The following FANCD2OS variants were observed in gnomAD, a reference collection of about 807,000 sequenced individuals.
The protein encoded by FANCD2OS is FANCD2 opposite strand, also known as FANCD2 opposite strand protein.
FANCD2OS carries 11 observed loss-of-function variants against 13.2 expected under a neutral mutation model. The observed-to-expected ratio is 0.83, with a 90% CI of 0.52 to 1.38. The LOEUF (loss-of-function observed/expected upper bound fraction) is 1.38, where lower values mean the gene tolerates loss of function less well. Ranked by LOEUF, FANCD2OS falls within the 40% of genes most tolerant of loss-of-function variation. FANCD2OS has a pLI of 0.00. For synonymous variants in FANCD2OS, 69 were observed against 84.5 expected (o/e 0.82, Z 1.01); for missense variants, 217 against 213.9 (o/e 1.01, Z -0.09).
rs746810904 is a variant in FANCD2OS at position 10,104,395 on chromosome 3, C to CA, written c.379dup (p.Cys127LeufsTer5). 121 of 1,614,078 alleles carry CA rather than the reference C, an allele frequency of 7.5e-5. No individual in the cohort carries two copies. The East Asian group carries it at 2.2e-3, about 30-fold the overall frequency. On this transcript the variant is annotated frameshift_variant, in exon 2 of 2. Transcript: ENST00000450660. LOFTEE classifies it high-confidence loss of function. ...CTGGTGCTCCCTGCTAATGATTTTG[C>CA]AAAAGGCTGACTTGTCTGAAACTCT...
At chr3:10,096,567 C>G in intron 2 of FANCD2OS, 1 of 1,118,640 alleles carries the variant, frequency 8.9e-7, no homozygotes, top group South Asian at 1.3e-5. Flanking sequence ...GCCCTCGTCT[C>G]TCAGTAAGGC....
intron 1 of FANCD2OS, among the ~76,000 whole-genome samples, chr3:10,106,045 A>G (rs1695488901): frequency 6.6e-6 from 1 of 151,794 alleles, no homozygotes; most frequent in Non-Finnish European, 1.5e-5. Flanking sequence ...TACTGAGATC[A>G]TCTCCTGGCC....
At chr3:10,084,471 T>C (rs570138689) in intron 2 of FANCD2OS, among the ~76,000 whole-genome samples, 12 of 151,986 alleles carry the variant, frequency 7.9e-5, no homozygotes, top group African/African-American at 2.9e-4. Context: ...TCCTTTTTTT[T>C]TTCTTTGGTA....
rs1196985122 is a variant in FANCD2OS, at chr3:10,090,325, G to A, written c.*44-8794C>T. Reference sequence around the variant, plus strand: ...TTGTTGTTTTCTTCCGTGTGATGATGGCTGAACTAGAGAAGACGGTGAAAA... The same window carrying A: ...TTGTTGTTTTCTTCCGTGTGATGATAGCTGAACTAGAGAAGACGGTGAAAA... On this transcript the variant is annotated intron_variant, in intron 2 of 2. Coordinates refer to the FANCD2OS transcript ENST00000524279. 6 of 1,613,354 alleles carry A rather than the reference G, an allele frequency of 3.7e-6. No individual in the cohort carries two copies. Among genetic ancestry groups the A allele is most frequent in the Non-Finnish European group, 5.1e-6 (6 of 1,179,762 alleles).
At chr3:10,084,265 T>C (rs900009646) in intron 2 of FANCD2OS, among the ~76,000 whole-genome samples, 6 of 150,392 alleles carry the variant, frequency 4.0e-5, no homozygotes, top group Admixed American at 2.6e-4. Context: ...GTGCTGGGAT[T>C]ACAGGTGTGA....
At position 10,106,512 on chromosome 3, in the gene FANCD2OS, C is replaced by CA. The variant is rs1695498583; in HGVS notation, c.-9+1502dup. 3.9e-5 allele frequency among the ~76,000 whole-genome samples: 6 copies of CA among 152,232 alleles called. No individual in the cohort carries two copies. In the South Asian group the frequency reaches 1.2e-3, roughly 32 times the overall value. ...TGTATTTCTCTGCCCCTTCTTCTCC[C>CA]ACAGAAGATAGCAGCAGATCTCATC... On this transcript the variant is annotated intron_variant, in intron 1 of 1. Transcript: ENST00000450660.
intron 2 of FANCD2OS, chr3:10,096,411 T>G: frequency 6.2e-7 from 1 of 1,614,160 alleles, no homozygotes; most frequent in Non-Finnish European, 8.5e-7. Context: ...AAAGCTATGC[T>G]CACTCTCAAC....
In FANCD2OS at chr3:10,083,887, CA is replaced by C. The variant is rs1301118343; in HGVS notation, c.*44-2357del. Among the ~76,000 whole-genome samples, 388 of 43,840 alleles carry C rather than the reference CA, an allele frequency of 8.9e-3. 2 individuals carry two copies. Among genetic ancestry groups the C allele is most frequent in the Admixed American group, 0.018 (77 of 4,196 alleles). 28.8% of individuals were successfully genotyped at this position (43,840 alleles called of 152,430 possible). A position where few individuals can be genotyped will look rare whatever the true frequency, so the allele number is the denominator to read the frequency against. ...TGGGCGACAGAGCAAGACTCCGTCT[CA>C]AAAAAAAAAAAAAAAAAAAGGTATG... On this transcript the variant is annotated intron_variant, in intron 2 of 2. Coordinates refer to the FANCD2OS transcript ENST00000524279.
At chr3:10,101,523 C>T (rs888991728), downstream of FANCD2OS, 30 of 450,962 alleles carry the variant, frequency 6.7e-5, no homozygotes, top group Admixed American at 1.1e-4. Flanking sequence ...GTAGCTGGGA[C>T]GACAGGCACA....
At chr3:10,098,719 G>T, downstream of FANCD2OS, 1 of 1,614,070 alleles carries the variant, frequency 6.2e-7, no homozygotes, top group Non-Finnish European at 8.5e-7. Context: ...TTCACATTTA[G>T]GGTGAAGAGA....
intron 2 of FANCD2OS, chr3:10,088,344 CTAAACTAA>C: frequency 2.4e-6 from 2 of 823,852 alleles, no homozygotes; most frequent in Non-Finnish European, 4.3e-6. Flanking sequence ...CTTAGTAAAT[CTAAACTAA>C]TAATCCTTTT....
At chr3:10,097,376 G>A (rs753209499) in intron 2 of FANCD2OS, among the ~76,000 whole-genome samples, 1 of 152,086 alleles carries the variant, frequency 6.6e-6, no homozygotes, top group Non-Finnish European at 1.5e-5. Context: ...CTGCAGTCTC[G>A]ACCATAAGAG....
chr3:10,082,703 A>C (rs1693918812), intron 2 of FANCD2OS, among the ~76,000 whole-genome samples: 1 of 152,078 alleles, frequency 6.6e-6, no homozygotes, highest in Admixed American at 6.6e-5. Flanking sequence ...ATCTGAACTT[A>C]AGCATCCATC....
chr3:10,086,590 T>C (rs572858633), intron 2 of FANCD2OS, among the ~76,000 whole-genome samples: 4 of 152,136 alleles, frequency 2.6e-5, no homozygotes, highest in African/African-American at 9.7e-5. Flanking sequence ...CAAGTGATTG[T>C]ACTGCCTCAG....
downstream of FANCD2OS, chr3:10,099,141 G>A: frequency 6.8e-7 from 1 of 1,465,214 alleles, no homozygotes; most frequent in South Asian, 1.4e-5. Context: ...TATTTTCTGA[G>A]TGTTGAGAAG....
downstream of FANCD2OS, chr3:10,099,450 C>T (rs1168308866): frequency 1.0e-5 from 5 of 494,296 alleles, no homozygotes; most frequent in African/African-American, 2.1e-5. Flanking sequence ...TAACAAGACC[C>T]TATCTCCACA....
downstream of FANCD2OS, among the ~76,000 whole-genome samples, chr3:10,100,703 C>G (rs1013258047): frequency 1.3e-5 from 2 of 152,178 alleles, no homozygotes; most frequent in Non-Finnish European, 2.9e-5. Flanking sequence ...ATATTTCATT[C>G]TATATCGAAT....
intron 1 of FANCD2OS, among the ~76,000 whole-genome samples, chr3:10,105,782 AT>A: frequency 4.9e-5 from 2 of 40,426 alleles, no homozygotes; most frequent in East Asian, 5.5e-4. Context: ...TTATATATAT[AT>A]ATATATATAT....
exon 3 of FANCD2OS, chr3:10,081,525 C>A: frequency 3.6e-6 from 4 of 1,110,208 alleles, no homozygotes; most frequent in South Asian, 1.2e-5. Flanking sequence ...TGACAGTCAC[C>A]AAGGCACTGA....
Sources: allele counts gnomAD v4.1 joint callset (sites outside exome capture counted in the v4.1 genomes callset), GRCh38; gene constraint gnomAD v4.1.1; transcripts MANE v1.5; gene names NCBI Gene and HGNC (gene_info 2026-07-23, HGNC 2026-07-21).